Variants in ACTR3C observed in about 807,000 individuals in gnomAD.
ACTR3C encodes the protein actin-related protein 3C.
In ACTR3C, 18 loss-of-function variants were observed where a neutral mutation model predicts 26.3. The observed-to-expected ratio is 0.68, with a 90% CI of 0.47 to 1.01. The LOEUF (loss-of-function observed/expected upper bound fraction) is 1.01. Ranked by LOEUF, ACTR3C falls within the 50% of genes least tolerant of loss-of-function variation. The pLI, the probability that ACTR3C is intolerant of heterozygous loss-of-function variation, is 0.00. For synonymous variants in ACTR3C, 55 were observed against 94.5 expected, an observed-to-expected ratio of 0.58 and a Z score of 2.42; for missense variants, 184 against 250.7, an observed-to-expected ratio of 0.73 and a Z score of 1.80.
At chr7:150,316,741 T>C (rs1796964296) in intron 1 of ACTR3C, among the ~76,000 whole-genome samples, 1 of 152,080 alleles carries the variant, frequency 6.6e-6, no homozygotes, top group Non-Finnish European at 1.5e-5. Context: ...ACTTCGGCCT[T>C]CCGAAGTGCT....
At chr7:150,189,940 T>C in the ACTR3C span, among the ~76,000 whole-genome samples, 13 of 149,146 alleles carry the variant, frequency 8.7e-5, no homozygotes, top group Non-Finnish European at 3.0e-5. Flanking sequence ...GCCTGGACCA[T>C]GTGGGAGATA....
At chr7:149,988,340 T>A in the ACTR3C span, among the ~76,000 whole-genome samples, 1 of 152,192 alleles carries the variant, frequency 6.6e-6, no homozygotes, top group Non-Finnish European at 1.5e-5. Flanking sequence ...GCATGGGGCA[T>A]GGAAGGATAT....
the ACTR3C span, among the ~76,000 whole-genome samples, chr7:150,161,203 TA>T: frequency 2.6e-5 from 1 of 38,826 alleles, no homozygotes. Flanking sequence ...GGAAAGTATT[TA>T]TATATATATA....
At chr7:149,944,581 C>T in the ACTR3C span, among the ~76,000 whole-genome samples, 2 of 150,134 alleles carry the variant, frequency 1.3e-5, no homozygotes, top group Non-Finnish European at 2.9e-5. Context: ...TGAAGATACA[C>T]CAGTTAGATT....
At chr7:150,304,259 G>A (rs1020944498) in intron 1 of ACTR3C, among the ~76,000 whole-genome samples, 1 of 151,984 alleles carries the variant, frequency 6.6e-6, no homozygotes, top group Non-Finnish European at 1.5e-5. Context: ...AAGAATTCAG[G>A]AAGGAAACTA....
chr7:150,152,635 A>C, the ACTR3C span, among the ~76,000 whole-genome samples: 3 of 152,208 alleles, frequency 2.0e-5, no homozygotes, highest in Non-Finnish European at 4.4e-5. Context: ...CTTTGGTATC[A>C]GGATGATGCT....
chr7:149,928,966 G>A, the ACTR3C span, among the ~76,000 whole-genome samples: 4 of 152,068 alleles, frequency 2.6e-5, no homozygotes, highest in Admixed American at 2.0e-4. Context: ...ACGGCATAAT[G>A]GATTATCATT....
At chr7:150,081,219 A>AAG in the ACTR3C span, among the ~76,000 whole-genome samples, 2 of 151,376 alleles carry the variant, frequency 1.3e-5, no homozygotes, top group East Asian at 3.9e-4. Context: ...GGAGGGAAGG[A>AAG]AGAGAGAGAG....
At chr7:150,219,863 G>C in the ACTR3C span, among the ~76,000 whole-genome samples, 2 of 145,028 alleles carry the variant, frequency 1.4e-5, no homozygotes, top group Non-Finnish European at 2.9e-5. Context: ...GCCCAGGGGG[G>C]TCTGATTGTG....
At chr7:150,228,344 T>C in the ACTR3C span, among the ~76,000 whole-genome samples, 3 of 152,206 alleles carry the variant, frequency 2.0e-5, no homozygotes, top group Non-Finnish European at 2.9e-5. Flanking sequence ...ATTTCCATAT[T>C]GTGGTAGGGT....
rs567924423 is a variant in ACTR3C, at chr7:150,265,610, C to T, written c.565-16556G>A. On this transcript the variant is annotated intron_variant, in intron 6 of 7. Transcript: ENST00000683684. ...TCAGGAGGCTGAGGCAGGAGAATCG[C>T]TTGAACCCGGGAGGCGGAGGTTGCA... 1.4e-3 allele frequency among the ~76,000 whole-genome samples: 209 copies of T among 152,284 alleles called. 1 individual carries two copies. Among genetic ancestry groups the T allele is most frequent in the Middle Eastern group, 6.8e-3 (2 of 294 alleles).
the ACTR3C span, chr7:149,891,295 T>C: frequency 1.8e-6 from 2 of 1,125,308 alleles, no homozygotes; most frequent in Non-Finnish European, 2.5e-6. Context: ...CCATGTCGTA[T>C]CGGCCACTGG....
chr7:149,951,180 C>T, the ACTR3C span, among the ~76,000 whole-genome samples: 1 of 101,816 alleles, frequency 9.8e-6, no homozygotes, highest in Non-Finnish European at 1.8e-5. Context: ...AGATCAGCTG[C>T]ACCGTTAGCC....
At chr7:149,968,358 C>A in the ACTR3C span, among the ~76,000 whole-genome samples, 2 of 152,152 alleles carry the variant, frequency 1.3e-5, no homozygotes, top group Admixed American at 1.3e-4. Context: ...ATGGTGAAAC[C>A]CCGTCTCTAC....
At chr7:149,883,866 C>T in the ACTR3C span, among the ~76,000 whole-genome samples, 1 of 152,222 alleles carries the variant, frequency 6.6e-6, no homozygotes, top group East Asian at 1.9e-4. Flanking sequence ...CTGTCGTTCT[C>T]CACTCTGATC....
At chr7:150,043,535 C>T in the ACTR3C span, among the ~76,000 whole-genome samples, 2 of 152,356 alleles carry the variant, frequency 1.3e-5, no homozygotes, top group South Asian at 4.1e-4. Context: ...ACAGCAGCAG[C>T]ATGTATTCAC....
chr7:150,155,934 G>A, the ACTR3C span, among the ~76,000 whole-genome samples: 2 of 151,902 alleles, frequency 1.3e-5, no homozygotes, highest in South Asian at 4.2e-4. Flanking sequence ...AGAGCAACTT[G>A]TATTTTAAAC....
At chr7:150,165,022 C>G in the ACTR3C span, among the ~76,000 whole-genome samples, 2 of 152,198 alleles carry the variant, frequency 1.3e-5, no homozygotes, top group East Asian at 3.8e-4. Flanking sequence ...AACAAAGTTT[C>G]TGGTGGCTTA....
chr7:150,208,644 T>A, the ACTR3C span, among the ~76,000 whole-genome samples: 9,162 of 152,154 alleles, frequency 0.06, 889 homozygotes, highest in African/African-American at 0.21. Flanking sequence ...CCTGAAGGAA[T>A]CAGATTACTT....
Sources: allele counts gnomAD v4.1 joint callset (sites outside exome capture counted in the v4.1 genomes callset), GRCh38; gene constraint gnomAD v4.1.1; transcripts MANE v1.5; gene names NCBI Gene and HGNC (gene_info 2026-07-23, HGNC 2026-07-21).